MAPK10: variants seen among roughly 807,000 people sequenced by gnomAD.
The protein encoded by MAPK10 is mitogen-activated protein kinase 10.
MAPK10 carries 25 observed loss-of-function variants against 59.3 expected under a neutral mutation model. The observed-to-expected ratio is 0.42, with a 90% CI of 0.31 to 0.59. MAPK10 has a LOEUF of 0.59. Ranked by LOEUF, MAPK10 falls within the 20% of genes least tolerant of loss-of-function variation. MAPK10 has a pLI of 0.15. For synonymous variants in MAPK10, 190 were observed against 200.5 expected (o/e 0.95, Z 0.44); for missense variants, 351 against 568.9 (o/e 0.62, Z 3.90).
chr4:86,122,436 A>C (rs2059414121), intron 4 of MAPK10, among the ~76,000 whole-genome samples: 1 of 152,084 alleles, frequency 6.6e-6, no homozygotes, highest in South Asian at 2.1e-4. Flanking sequence ...CTTGGTAGCC[A>C]TTGCTGTGAC....
intron 4 of MAPK10, among the ~76,000 whole-genome samples, chr4:86,137,077 T>G (rs1474623114): frequency 6.6e-6 from 1 of 150,392 alleles, no homozygotes; most frequent in Non-Finnish European, 1.5e-5. Flanking sequence ...CTCCCACACA[T>G]TAATAATGGG....
At chr4:86,227,978 T>C (rs1302724290) in intron 2 of MAPK10, among the ~76,000 whole-genome samples, 1 of 152,082 alleles carries the variant, frequency 6.6e-6, no homozygotes, top group Non-Finnish European at 1.5e-5. Flanking sequence ...TGCAGGGCCA[T>C]GTGGGGAATG....
rs940587006 is a variant in MAPK10 at position 86,106,864 on chromosome 4, T to C, written c.366+359A>G. On this transcript the variant is annotated intron_variant, in intron 5 of 13. Transcript: ENST00000641462. ...ATAAATCTAAATTAAATCTAAATTA[T>C]AAAGAAATGTAGCATGGTGCTTTGT... 11 of 153,830 alleles carry C rather than the reference T, an allele frequency of 7.2e-5. 1 individual carries two copies. Among genetic ancestry groups the C allele is most frequent in the African/African-American group, 2.6e-4 (11 of 41,542 alleles). 9.5% of individuals were successfully genotyped at this position (153,830 alleles called of 1,614,324 possible).
intron 1 of MAPK10, among the ~76,000 whole-genome samples, chr4:86,463,641 C>T (rs548831581): frequency 5.6e-4 from 85 of 152,272 alleles, no homozygotes; most frequent in African/African-American, 2.0e-3. Context: ...TTGTGCCACA[C>T]AAAGTAGCCA....
At chr4:86,094,116 T>C (rs568184812) in intron 9 of MAPK10, among the ~76,000 whole-genome samples, 3 of 152,102 alleles carry the variant, frequency 2.0e-5, no homozygotes, top group East Asian at 3.9e-4. Context: ...TTTTAAAATA[T>C]CTCTGTGCTA....
At chr4:86,266,760 C>T (rs1051313302) in intron 2 of MAPK10, among the ~76,000 whole-genome samples, 4 of 152,034 alleles carry the variant, frequency 2.6e-5, no homozygotes, top group African/African-American at 9.7e-5. Context: ...TCCTCTTAAG[C>T]TTTGAATTTA....
At chr4:86,045,652 C>A (rs1030381270) in intron 11 of MAPK10, among the ~76,000 whole-genome samples, 7 of 151,916 alleles carry the variant, frequency 4.6e-5, no homozygotes. Context: ...CCTAGGATAG[C>A]ATGCATGGTA....
Position 86,236,352 on chromosome 4 carries a change from C to G in MAPK10, c.-6-41945G>C, listed in dbSNP as rs114066331. Reference sequence around the variant, plus strand: ...GAGGGTGAGGAAGACATTATTCAGTCTACCACATGTCCTGAAAGATGAGTA... The same window carrying G: ...GAGGGTGAGGAAGACATTATTCAGTGTACCACATGTCCTGAAAGATGAGTA... On this transcript the variant is annotated intron_variant, in intron 2 of 13. Transcript: ENST00000641462. Among the ~76,000 whole-genome samples the G allele has an allele frequency of 3.2e-3, 480 of 152,282 alleles. 4 individuals are homozygous for G. Among genetic ancestry groups the G allele is most frequent in the South Asian group, 0.019 (91 of 4,826 alleles).
At chr4:86,088,658 C>A (rs562625945) in intron 9 of MAPK10, among the ~76,000 whole-genome samples, 12 of 152,128 alleles carry the variant, frequency 7.9e-5, no homozygotes, top group African/African-American at 2.9e-4. Flanking sequence ...AGCTATTATT[C>A]CCATAAATGG....
intron 4 of MAPK10, among the ~76,000 whole-genome samples, chr4:86,158,478 A>G (rs896523656): frequency 1.3e-5 from 2 of 151,826 alleles, no homozygotes; most frequent in Non-Finnish European, 2.9e-5. Context: ...TAATAAATAA[A>G]TATATTGTAT....
At chr4:86,345,681 GAACA>G (rs764629373) in intron 2 of MAPK10, among the ~76,000 whole-genome samples, 8 of 152,138 alleles carry the variant, frequency 5.3e-5, no homozygotes, top group African/African-American at 1.4e-4. Context: ...TTCTAAACTC[GAACA>G]AACACTCTGC....
chr4:86,294,971 G>A (rs565943389), intron 2 of MAPK10, among the ~76,000 whole-genome samples: 31 of 151,948 alleles, frequency 2.0e-4, no homozygotes, highest in Non-Finnish European at 4.0e-4. Context: ...CAGCCAAAAC[G>A]GAAAAACCGG....
Position 86,159,292 on chromosome 4 carries a change from G to T in MAPK10, c.236+6C>A. The T allele has an allele frequency of 3.8e-6, 6 of 1,589,406 alleles. No homozygotes were observed. The highest frequency in any genetic ancestry group is 4.6e-5 in the East Asian group (2 of 43,938). ...TTTAAAAATACAGCAAATCCATTCC[G>T]CTTACCAAACTATGCCCTGAGCCCC... On this transcript the variant is annotated splice_donor_region_variant and intron_variant, in intron 4 of 13. Transcript: ENST00000641462.
At chr4:86,420,745 C>A (rs7684518) in intron 1 of MAPK10, among the ~76,000 whole-genome samples, 2 of 151,854 alleles carry the variant, frequency 1.3e-5, no homozygotes, top group Non-Finnish European at 2.9e-5. Context: ...GTCGAGATCA[C>A]GCCACTGCAT....
At chr4:86,340,363 T>A (rs1724177387) in intron 2 of MAPK10, 1 of 153,276 alleles carries the variant, frequency 6.5e-6, no homozygotes, top group Non-Finnish European at 1.5e-5. Context: ...CACAGAAGCA[T>A]GGCTGGGAGG....
At chr4:86,123,838 T>C (rs553870800) in intron 4 of MAPK10, 1 of 152,088 alleles carries the variant, frequency 6.6e-6, no homozygotes. Context: ...ATATGTACCA[T>C]AAGTTAAGCA....
chr4:86,384,622 A>G (rs1218973380), intron 1 of MAPK10, among the ~76,000 whole-genome samples: 1 of 152,098 alleles, frequency 6.6e-6, no homozygotes, highest in Non-Finnish European at 1.5e-5. Context: ...GAGGCAAGAG[A>G]TGATCATTAC....
At chr4:86,360,061 A>T, upstream of MAPK10, 1 of 985,840 alleles carries the variant, frequency 1.0e-6, no homozygotes, top group Non-Finnish European at 1.2e-6. Flanking sequence ...TGTGGAACCT[A>T]CCAGAGGAGA....
At chr4:86,563,287 T>C (rs1760815456) in intron 1 of MAPK10, among the ~76,000 whole-genome samples, 1 of 152,186 alleles carries the variant, frequency 6.6e-6, no homozygotes, top group Non-Finnish European at 1.5e-5. Flanking sequence ...ATAGTTTACT[T>C]ACAGGAAACT....
Sources: allele counts gnomAD v4.1 joint callset (sites outside exome capture counted in the v4.1 genomes callset), GRCh38; gene constraint gnomAD v4.1.1; transcripts MANE v1.5; gene names NCBI Gene and HGNC (gene_info 2026-07-23, HGNC 2026-07-21).